Variants in TYW1 observed in about 807,000 individuals in gnomAD.
TYW1 encodes S-adenosyl-L-methionine-dependent tRNA 4-demethylwyosine synthase TYW1.
A neutral mutation model predicts 96.2 loss-of-function variants in TYW1; 46 were observed. The ratio of observed to expected loss-of-function variants is 0.48; its 90% confidence interval spans 0.38 to 0.61. TYW1 has a LOEUF of 0.61. Among genes scored for constraint, TYW1 ranks in the 20% least tolerant of loss-of-function variants. The pLI, the probability that TYW1 is intolerant of heterozygous loss-of-function variation, is 0.00. For missense variants in TYW1, 684 were observed against 909.6 expected (o/e 0.75, Z 3.19); for synonymous variants, 274 against 323.0 (o/e 0.85, Z 1.63).
intron 6 of TYW1, among the ~76,000 whole-genome samples, chr7:67,019,560 T>C (rs1329005299): frequency 6.6e-6 from 1 of 152,290 alleles, no homozygotes; most frequent in Non-Finnish European, 1.5e-5. Flanking sequence ...ACTCCTGGCC[T>C]CGAGCAAACC....
intron 12 of TYW1, among the ~76,000 whole-genome samples, chr7:67,104,289 G>A (rs28489225): frequency 6.6e-6 from 1 of 152,122 alleles, no homozygotes; most frequent in Admixed American, 6.5e-5. Context: ...ACAGTTCTGC[G>A]GGCTGTACAG....
At position 67,105,808 on chromosome 7, in the gene TYW1, G is replaced by GGAGAGAAT. The variant is rs374485579; in HGVS notation, c.1562+7091_1562+7098dup. 4.5e-4 allele frequency among the ~76,000 whole-genome samples: 69 copies of GGAGAGAAT among 151,818 alleles called. 1 individual carries two copies. The East Asian group carries it at 0.013, about 29-fold the overall frequency. Reference sequence around the variant, plus strand: ...GAAGAAATCATATCACTTTGAGTAAGGAGAGAATATTCTTGTGTGTTTCAT... The same window carrying GGAGAGAAT: ...GAAGAAATCATATCACTTTGAGTAAGGAGAGAATGAGAGAATATTCTTGTGTGTTTCAT... On this transcript the variant is annotated intron_variant, in intron 12 of 15. Coordinates refer to ENST00000359626, the MANE Select transcript of TYW1 (RefSeq NM_018264.4).
At chr7:67,092,160 C>T (rs1261351850) in intron 11 of TYW1, among the ~76,000 whole-genome samples, 2 of 152,158 alleles carry the variant, frequency 1.3e-5, no homozygotes, top group African/African-American at 4.8e-5. Context: ...CTTTCTCATA[C>T]CCTACATCCA....
In TYW1 at chr7:67,018,194, A is replaced by G. The variant is rs1329800880; in HGVS notation, c.861+51A>G. 5.1e-6 allele frequency: 8 copies of G among 1,576,340 alleles called. No homozygotes were observed. The South Asian group carries it at 8.2e-5, about 16-fold the overall frequency. ...CGAGGCTTTCCTCTTCTGCTTGGAG[A>G]TCTCGAGCTTGACCTCTTTCTCAAT... On this transcript the variant is annotated intron_variant, in intron 6 of 15. Coordinates refer to ENST00000359626, the MANE Select transcript of TYW1 (RefSeq NM_018264.4).
chr7:67,197,449 C>G (rs1241947797), intron 15 of TYW1, among the ~76,000 whole-genome samples: 2 of 152,144 alleles, frequency 1.3e-5, no homozygotes, highest in African/African-American at 4.8e-5. Context: ...CCTTAGCCGC[C>G]CGAGTAGCTG....
At chr7:67,009,449 T>C (rs1793714572) in intron 3 of TYW1, 134 bp from the exon 4 acceptor site, 5 of 711,424 alleles carry the variant, frequency 7.0e-6, no homozygotes, top group South Asian at 5.3e-5. Flanking sequence ...ATAGAATTTG[T>C]GTTCATGAAG....
At chr7:67,184,803 G>C (rs909702824) in intron 14 of TYW1, among the ~76,000 whole-genome samples, 2 of 151,594 alleles carry the variant, frequency 1.3e-5, no homozygotes, top group African/African-American at 2.4e-5. Flanking sequence ...CGCCTCCCGG[G>C]TTCAAGCGAT....
chr7:67,167,770 AT>A (rs1799390821), intron 13 of TYW1, among the ~76,000 whole-genome samples: 1 of 151,478 alleles, frequency 6.6e-6, no homozygotes, highest in East Asian at 1.9e-4. Flanking sequence ...TTATTGATTG[AT>A]TGAGACAGAG....
chr7:67,172,217 TA>T lies in TYW1; in HGVS notation c.1699-10908del, dbSNP rs552181787. Among the ~76,000 whole-genome samples the T allele has an allele frequency of 9.9e-5, 15 of 152,042 alleles. No homozygotes were observed. The East Asian group carries it at 2.7e-3, about 27-fold the overall frequency. On this transcript the variant is annotated intron_variant, in intron 13 of 15. Transcript: ENST00000359626. ...TCCATTCTGTTGGTTTTTTAGTATT[TA>T]TTTTTTTATTATTGTTCTTTTAGTT...
At chr7:67,053,327 G>T (rs946088857) in intron 8 of TYW1, among the ~76,000 whole-genome samples, 1 of 151,416 alleles carries the variant, frequency 6.6e-6, no homozygotes, top group Non-Finnish European at 1.5e-5. Flanking sequence ...ATCAGGCATT[G>T]CCCCCAGTCC....
rs777334093 is a variant in TYW1 at position 67,017,934 on chromosome 7, G to T, written c.652G>T (p.Val218Phe). The T allele has an allele frequency of 6.2e-7, 1 of 1,614,182 alleles. No homozygotes were observed. The highest frequency in any genetic ancestry group is 8.5e-7 in the Non-Finnish European group (1 of 1,180,032). ...TCGAGGGGAGGGCGACTGCGACGTG[G>T]TTAAAAGCAAGCACGGCAGCATTGA... ...MSRGEGDCDV[V>F]KSKHGSIEAD... Residue 218 changes from valine (V) to phenylalanine (F), a missense_variant, in exon 6 of 16, where the codon GTT becomes TTT. Transcript: ENST00000359626.
intron 15 of TYW1, among the ~76,000 whole-genome samples, chr7:67,200,665 G>C (rs560112388): frequency 1.4e-4 from 22 of 152,192 alleles, no homozygotes; most frequent in African/African-American, 5.1e-4. Context: ...TTCAAGAATG[G>C]GCTAACAGAA....
At position 67,209,398 on chromosome 7, in the gene TYW1, A is replaced by G. The variant is rs146981770; in HGVS notation, c.1977+14061A>G. ...TCTGGAAATTAATTAGACCATGACA[A>G]TCCAAGAAGCTTTGATAATTTTAGT... On this transcript the variant is annotated intron_variant, in intron 15 of 15. Transcript: ENST00000359626. Among the ~76,000 whole-genome samples, 491 of 152,312 alleles carry G rather than the reference A, an allele frequency of 3.2e-3. 5 individuals are homozygous for G. The highest frequency in any genetic ancestry group is 6.8e-3 in the Middle Eastern group (2 of 294).
intron 11 of TYW1, chr7:67,089,280 G>T: frequency 2.2e-6 from 3 of 1,374,982 alleles, no homozygotes; most frequent in East Asian, 2.4e-5. Flanking sequence ...GGCAAACCAG[G>T]CTCCTTGTCC....
At chr7:67,050,593 A>G (rs1362976724) in intron 8 of TYW1, among the ~76,000 whole-genome samples, 1 of 152,140 alleles carries the variant, frequency 6.6e-6, no homozygotes, top group Admixed American at 6.5e-5. Context: ...CAATGCAGAG[A>G]AACACAGGAA....
chr7:67,165,078 G>A (rs1372851105), intron 13 of TYW1, among the ~76,000 whole-genome samples: 1 of 151,412 alleles, frequency 6.6e-6, no homozygotes, highest in Admixed American at 6.6e-5. Flanking sequence ...CACCGTCAAT[G>A]AACAAATATG....
At chr7:67,099,384 T>C (rs755147273) in intron 12 of TYW1, among the ~76,000 whole-genome samples, 6 of 152,162 alleles carry the variant, frequency 3.9e-5, no homozygotes, top group Non-Finnish European at 4.4e-5. Context: ...GGAAACTATA[T>C]TGTTGTTAAT....
chr7:67,193,620 G>A (rs760640723), intron 14 of TYW1, among the ~76,000 whole-genome samples: 5 of 152,178 alleles, frequency 3.3e-5, no homozygotes, highest in South Asian at 2.1e-4. Context: ...TTAGCTGGGC[G>A]TGGTGGCACG....
At chr7:67,122,980 A>T (rs891741615) in intron 13 of TYW1, among the ~76,000 whole-genome samples, 1 of 152,230 alleles carries the variant, frequency 6.6e-6, no homozygotes, top group Non-Finnish European at 1.5e-5. Context: ...GAAGCATAAG[A>T]TAATGGTACA....
Sources: gnomAD v4.1 joint callset for allele counts (sites outside exome capture counted in the v4.1 genomes callset) on GRCh38, gnomAD v4.1.1 for gene constraint, MANE v1.5 for transcripts, NCBI Gene and HGNC (gene_info 2026-07-23, HGNC 2026-07-21) for gene names.